SLC9A9: variants seen among roughly 807,000 people sequenced by gnomAD.
The protein encoded by SLC9A9 is solute carrier family 9 member A9.
In SLC9A9, 62 loss-of-function variants were observed where a neutral mutation model predicts 77.8. The ratio of observed to expected loss-of-function variants is 0.80; its 90% CI spans 0.65 to 0.98. The LOEUF (loss-of-function observed/expected upper bound fraction) is 0.98, where lower values mean the gene tolerates loss of function less well. SLC9A9 is among the 50% of genes least tolerant of loss of function. SLC9A9 has a pLI of 0.00. For missense variants in SLC9A9, 775 were observed against 774.9 expected (o/e 1.00, Z 0.00); for synonymous variants, 320 against 283.5 (o/e 1.13, Z -1.29).
At chr3:143,440,365 G>A (rs1400485600) in intron 12 of SLC9A9, among the ~76,000 whole-genome samples, 1 of 152,094 alleles carries the variant, frequency 6.6e-6, no homozygotes, top group African/African-American at 2.4e-5. Context: ...CAGAGTAAGG[G>A]GAAACACCCT....
intron 2 of SLC9A9, among the ~76,000 whole-genome samples, chr3:143,831,123 A>AT (rs1443491611): frequency 2.6e-5 from 4 of 152,130 alleles, no homozygotes; most frequent in Non-Finnish European, 4.4e-5. Context: ...GGAAAAAAAA[A>AT]GGTGTGTTTT....
At chr3:143,312,077 C>CT (rs1198878270) in intron 14 of SLC9A9, among the ~76,000 whole-genome samples, 3 of 152,150 alleles carry the variant, frequency 2.0e-5, no homozygotes, top group Admixed American at 6.5e-5. Flanking sequence ...TCTGTTACAT[C>CT]TTTTTTAAGT....
intron 2 of SLC9A9, among the ~76,000 whole-genome samples, chr3:143,830,249 T>C (rs1447503747): frequency 1.3e-5 from 2 of 152,200 alleles, no homozygotes; most frequent in Non-Finnish European, 2.9e-5. Flanking sequence ...GAGGACTTAG[T>C]CAGGTTGCTG....
chr3:143,488,112 C>T (rs1219109979), intron 11 of SLC9A9, among the ~76,000 whole-genome samples: 8 of 151,662 alleles, frequency 5.3e-5, no homozygotes, highest in Admixed American at 5.3e-4. Flanking sequence ...AATAAGAGAG[C>T]ACTATGAACA....
chr3:143,296,431 T>C (rs755944510), intron 14 of SLC9A9, among the ~76,000 whole-genome samples: 3 of 152,238 alleles, frequency 2.0e-5, no homozygotes, highest in Non-Finnish European at 4.4e-5. Flanking sequence ...TTGCATTGTA[T>C]GTATATGCCT....
chr3:143,727,151 C>A (rs1934675350), intron 4 of SLC9A9, among the ~76,000 whole-genome samples: 1 of 152,132 alleles, frequency 6.6e-6, no homozygotes, highest in South Asian at 2.1e-4. Flanking sequence ...TGGCACATAG[C>A]AGGTATTTAA....
chr3:143,782,637 C>CA (rs1459437070), intron 4 of SLC9A9, among the ~76,000 whole-genome samples: 9 of 152,098 alleles, frequency 5.9e-5, no homozygotes, highest in Admixed American at 2.0e-4. Flanking sequence ...CCAAGCACAC[C>CA]AAAAAAATGC....
chr3:143,549,630 C>T (rs1450691199), intron 9 of SLC9A9, among the ~76,000 whole-genome samples: 4 of 152,172 alleles, frequency 2.6e-5, no homozygotes, highest in Admixed American at 6.5e-5. Flanking sequence ...ATGCTGGCAA[C>T]CTGTCAGGGA....
Position 143,266,231 on chromosome 3 carries a change from A to T in SLC9A9, c.*471T>A, listed in dbSNP as rs1937708378. Reference sequence around the variant, plus strand: ...AAATGGGAGTCAAGTCCTCAAAATAAGAAACTTATCACTTACTAAATAGCT... The same window carrying T: ...AAATGGGAGTCAAGTCCTCAAAATATGAAACTTATCACTTACTAAATAGCT... On this transcript the variant is annotated 3_prime_UTR_variant, in exon 16 of 16. Coordinates refer to ENST00000316549, the MANE Select transcript of SLC9A9 (RefSeq NM_173653.4). 1 of 634,390 alleles carries T rather than the reference A, an allele frequency of 1.6e-6. No homozygotes were observed. Among genetic ancestry groups the T allele is most frequent in the Non-Finnish European group, 2.8e-6 (1 of 354,816 alleles). The allele number at this position is 634,390 out of a possible 1,614,324, so 39.3% of individuals were successfully genotyped here.
At chr3:143,394,372 A>G (rs2033646501) in intron 12 of SLC9A9, among the ~76,000 whole-genome samples, 1 of 152,114 alleles carries the variant, frequency 6.6e-6, no homozygotes, top group African/African-American at 2.4e-5. Context: ...TCCCAATAGA[A>G]GCAGAAAAGG....
intron 14 of SLC9A9, among the ~76,000 whole-genome samples, chr3:143,291,539 AG>A (rs1208619296): frequency 2.6e-5 from 4 of 152,168 alleles, no homozygotes; most frequent in East Asian, 1.9e-4. Context: ...GGGGACAGTC[AG>A]GGGGCCTCTC....
intron 4 of SLC9A9, among the ~76,000 whole-genome samples, chr3:143,697,154 A>G (rs1236195365): frequency 6.6e-6 from 1 of 151,758 alleles, no homozygotes; most frequent in Non-Finnish European, 1.5e-5. Flanking sequence ...TTAGAAAAAT[A>G]AATTGATAAC....
At chr3:143,828,584 G>C (rs114360456) in intron 2 of SLC9A9, among the ~76,000 whole-genome samples, 2,870 of 149,260 alleles carry the variant, frequency 0.019, 83 homozygotes, top group African/African-American at 0.063. Context: ...CACACACACA[G>C]AGAGAGAGAG....
chr3:143,637,227 A>T (rs1275764905), intron 6 of SLC9A9, among the ~76,000 whole-genome samples: 1 of 152,092 alleles, frequency 6.6e-6, no homozygotes, highest in Non-Finnish European at 1.5e-5. Context: ...ACCAATACAA[A>T]GAAATCTGAA....
At chr3:143,782,213 T>C (rs891556095) in intron 4 of SLC9A9, among the ~76,000 whole-genome samples, 2 of 152,244 alleles carry the variant, frequency 1.3e-5, no homozygotes, top group African/African-American at 4.8e-5. Context: ...GATTAAATGC[T>C]GGTTAAAATT....
intron 12 of SLC9A9, among the ~76,000 whole-genome samples, chr3:143,451,757 C>T (rs906337347): frequency 2.6e-5 from 4 of 152,058 alleles, no homozygotes; most frequent in Admixed American, 2.6e-4. Flanking sequence ...AGCGTATGAA[C>T]ATATATGGAG....
At chr3:143,444,598 C>T (rs571516275) in intron 12 of SLC9A9, among the ~76,000 whole-genome samples, 3 of 152,152 alleles carry the variant, frequency 2.0e-5, no homozygotes, top group Non-Finnish European at 4.4e-5. Context: ...CTGGTGACTT[C>T]TAATCACATA....
chr3:143,776,145 C>T (rs1465803245), intron 4 of SLC9A9, among the ~76,000 whole-genome samples: 1 of 152,034 alleles, frequency 6.6e-6, no homozygotes, highest in Non-Finnish European at 1.5e-5. Flanking sequence ...AATTTTCTGG[C>T]CTAATTTATG....
intron 9 of SLC9A9, among the ~76,000 whole-genome samples, chr3:143,505,275 TA>T (rs2035992822): frequency 2.0e-5 from 3 of 152,190 alleles, no homozygotes; most frequent in Admixed American, 2.0e-4. Flanking sequence ...TTTGAAGTTT[TA>T]AGACAAATCC....
Sources: allele counts gnomAD v4.1 joint callset (sites outside exome capture counted in the v4.1 genomes callset), GRCh38; gene constraint gnomAD v4.1.1; transcripts MANE v1.5; gene names NCBI Gene and HGNC (gene_info 2026-07-23, HGNC 2026-07-21).